Variants in MARCHF3 observed in about 807,000 individuals in gnomAD.
MARCHF3 encodes E3 ubiquitin-protein ligase MARCHF3.
MARCHF3 carries 13 observed loss-of-function variants against 24.2 expected under a neutral mutation model. That is an observed-to-expected ratio of 0.54 (90% CI 0.35 to 0.85). MARCHF3 has a LOEUF of 0.85. Among genes scored for constraint, MARCHF3 ranks in the 40% least tolerant of loss-of-function variants. The probability of loss-of-function intolerance (pLI) is 0.01; values close to 1 mark genes in which losing one functional copy is unlikely to be tolerated. For missense variants in MARCHF3, 276 were observed against 325.0 expected (o/e 0.85, Z 1.16); for synonymous variants, 144 against 137.3 (o/e 1.05, Z -0.34).
At chr5:126,888,143 C>CAT (rs1318477683) in intron 3 of MARCHF3, among the ~76,000 whole-genome samples, 2 of 152,162 alleles carry the variant, frequency 1.3e-5, no homozygotes, top group African/African-American at 4.8e-5. Context: ...AACTGAAATG[C>CAT]ATATATAAGA....
chr5:126,926,872 A>G (rs1372589318), intron 1 of MARCHF3, among the ~76,000 whole-genome samples: 3 of 151,940 alleles, frequency 2.0e-5, no homozygotes, highest in Non-Finnish European at 4.4e-5. Context: ...ATGAGCTCAG[A>G]ACAACGGGGC....
intron 3 of MARCHF3, among the ~76,000 whole-genome samples, chr5:126,907,128 T>C (rs894048563): frequency 6.6e-6 from 1 of 151,598 alleles, no homozygotes; most frequent in African/African-American, 2.4e-5. Context: ...TTGAGCGGTT[T>C]TGAGTGAGAT....
chr5:126,896,220 A>G (rs142841408), intron 3 of MARCHF3, among the ~76,000 whole-genome samples: 3,105 of 152,212 alleles, frequency 0.02, 79 homozygotes, highest in South Asian at 0.12. Context: ...GGCACTCCCT[A>G]GTGAGATGAA....
chr5:126,870,896 G>C (rs1752944683), intron 4 of MARCHF3, 105 bp from the exon 5 acceptor site: 4 of 1,454,894 alleles, frequency 2.7e-6, no homozygotes, highest in Admixed American at 4.2e-5. Context: ...CAAAGAGCTG[G>C]AAGCACTATG....
intron 1 of MARCHF3, among the ~76,000 whole-genome samples, chr5:126,988,144 A>C (rs1288666590): frequency 6.6e-6 from 1 of 152,172 alleles, no homozygotes; most frequent in East Asian, 1.9e-4. Flanking sequence ...CCAGGTATTT[A>C]AATCCTTTGA....
chr5:126,997,549 G>A (rs748625990), intron 1 of MARCHF3, among the ~76,000 whole-genome samples: 3 of 152,124 alleles, frequency 2.0e-5, no homozygotes, highest in Admixed American at 6.5e-5. Context: ...ATAGGCTTTC[G>A]ATCTCTCCCT....
At chr5:126,873,951 A>C (rs1718281233) in intron 4 of MARCHF3, among the ~76,000 whole-genome samples, 1 of 152,240 alleles carries the variant, frequency 6.6e-6, no homozygotes, top group South Asian at 2.1e-4. Flanking sequence ...TTGGAAAGAA[A>C]GGAGGTCTAA....
intron 3 of MARCHF3, among the ~76,000 whole-genome samples, chr5:126,885,167 T>C (rs1423189371): frequency 1.3e-5 from 2 of 152,250 alleles, no homozygotes; most frequent in East Asian, 1.9e-4. Flanking sequence ...TTTAGTTGTC[T>C]GTTTAGTTGC....
intron 1 of MARCHF3, among the ~76,000 whole-genome samples, chr5:126,962,222 ATATC>A (rs1750660612): frequency 6.6e-6 from 1 of 151,920 alleles, no homozygotes; most frequent in Non-Finnish European, 1.5e-5. Flanking sequence ...CTATATATCT[ATATC>A]TATATATCTC....
intron 1 of MARCHF3, among the ~76,000 whole-genome samples, chr5:126,980,304 A>G (rs954754907): frequency 6.6e-6 from 1 of 152,116 alleles, no homozygotes; most frequent in African/African-American, 2.4e-5. Context: ...AGATCTTTAG[A>G]ATTTTAAGAG....
intron 1 of MARCHF3, among the ~76,000 whole-genome samples, chr5:126,924,442 C>A (rs894660012): frequency 6.6e-6 from 1 of 152,190 alleles, no homozygotes; most frequent in Non-Finnish European, 1.5e-5. Flanking sequence ...TGTCCAGGAA[C>A]TTTCCTCTCT....
chr5:126,929,092 C>G (rs898290527), intron 1 of MARCHF3, among the ~76,000 whole-genome samples: 1 of 152,180 alleles, frequency 6.6e-6, no homozygotes, highest in Non-Finnish European at 1.5e-5. Flanking sequence ...CATCGTATGT[C>G]CCTCTCAGTC....
At chr5:126,963,987 A>G (rs1750726225) in intron 1 of MARCHF3, among the ~76,000 whole-genome samples, 1 of 152,174 alleles carries the variant, frequency 6.6e-6, no homozygotes, top group Non-Finnish European at 1.5e-5. Context: ...GGTTAAGGGG[A>G]CTGAGTGAGC....
At chr5:127,008,960 T>C (rs1752399016) in intron 1 of MARCHF3, among the ~76,000 whole-genome samples, 1 of 151,906 alleles carries the variant, frequency 6.6e-6, no homozygotes, top group Admixed American at 6.6e-5. Context: ...GCTCAAAGGA[T>C]GAGAGAGGAG....
At chr5:126,891,917 A>G (rs1753706359) in intron 3 of MARCHF3, among the ~76,000 whole-genome samples, 2 of 144,462 alleles carry the variant, frequency 1.4e-5, no homozygotes, top group Non-Finnish European at 3.0e-5. Context: ...CTTCCTACCC[A>G]TGAGCATGGA....
At chr5:126,892,828 C>T (rs1753743834) in intron 3 of MARCHF3, among the ~76,000 whole-genome samples, 1 of 151,014 alleles carries the variant, frequency 6.6e-6, no homozygotes, top group Non-Finnish European at 1.5e-5. Context: ...AGGATTCCCT[C>T]TTTGTCTATT....
intron 1 of MARCHF3, among the ~76,000 whole-genome samples, chr5:127,015,726 A>C (rs943892020): frequency 1.2e-4 from 18 of 152,252 alleles, no homozygotes; most frequent in South Asian, 4.1e-4. Context: ...TGGATACAGC[A>C]GTACATCCCC....
Position 126,892,060 on chromosome 5 carries a change from G to C in MARCHF3, c.394-13666C>G, listed in dbSNP as rs572764454. Among the ~76,000 whole-genome samples, 372 of 152,020 alleles carry C rather than the reference G, an allele frequency of 2.4e-3. 2 individuals carry two copies. Among genetic ancestry groups the C allele is most frequent in the African/African-American group, 6.5e-3 (271 of 41,444 alleles). On this transcript the variant is annotated intron_variant, in intron 3 of 4. Coordinates refer to ENST00000308660, the MANE Select transcript of MARCHF3 (RefSeq NM_178450.5). ...ATTCTCTTTGAAGCAATTGTGAATG[G>C]GAGTTCACTCATGATTTGGCTCTCT...
intron 1 of MARCHF3, among the ~76,000 whole-genome samples, chr5:126,990,962 A>G (rs904889279): frequency 1.3e-5 from 2 of 151,796 alleles, no homozygotes; most frequent in Non-Finnish European, 2.9e-5. Flanking sequence ...AGTGTAGATT[A>G]GTTCAACCAC....
Sources: gnomAD v4.1 joint callset for allele counts (sites outside exome capture counted in the v4.1 genomes callset) on GRCh38, gnomAD v4.1.1 for gene constraint, MANE v1.5 for transcripts, NCBI Gene and HGNC (gene_info 2026-07-23, HGNC 2026-07-21) for gene names.